The following MDGA2 variants were observed in gnomAD, a reference collection of about 807,000 sequenced individuals.
The protein encoded by MDGA2 is MAM domain containing glycosylphosphatidylinositol anchor 2.
Under a neutral mutation model 117.8 loss-of-function variants are expected in MDGA2, and 40 were observed. The observed-to-expected ratio is 0.34, with a 90% CI of 0.26 to 0.44. MDGA2 has a LOEUF of 0.44. Ranked by LOEUF, MDGA2 falls within the 20% of genes least tolerant of loss-of-function variation. The probability of loss-of-function intolerance (pLI) is 1.00; values close to 1 mark genes in which losing one functional copy is unlikely to be tolerated. For missense variants in MDGA2, 1,123 were observed against 1,250.6 expected (o/e 0.90, Z 1.54); for synonymous variants, 452 against 439.0 (o/e 1.03, Z -0.37).
intron 8 of MDGA2, among the ~76,000 whole-genome samples, chr14:46,990,409 T>C (rs1469771214): frequency 1.3e-5 from 2 of 152,060 alleles, no homozygotes; most frequent in South Asian, 2.1e-4. Context: ...ATAGTAAAAT[T>C]TGTTTAAAAA....
intron 1 of MDGA2, among the ~76,000 whole-genome samples, chr14:47,406,607 C>G (rs1892266789): frequency 6.6e-6 from 1 of 151,964 alleles, no homozygotes; most frequent in Admixed American, 6.6e-5. Context: ...CAGAAAGAGA[C>G]ATGAAATATT....
At chr14:47,145,470 C>A (rs762590956) in intron 3 of MDGA2, among the ~76,000 whole-genome samples, 1 of 152,100 alleles carries the variant, frequency 6.6e-6, no homozygotes, top group Non-Finnish European at 1.5e-5. Flanking sequence ...TTTTCTTAAG[C>A]GAAAGATAAA....
At chr14:47,001,973 C>A (rs1887546159) in intron 8 of MDGA2, among the ~76,000 whole-genome samples, 1 of 152,024 alleles carries the variant, frequency 6.6e-6, no homozygotes, top group African/African-American at 2.4e-5. Flanking sequence ...AATTAAGATT[C>A]TCAACTACAT....
intron 3 of MDGA2, among the ~76,000 whole-genome samples, chr14:47,208,745 T>G (rs73248093): frequency 6.6e-5 from 10 of 152,048 alleles, no homozygotes; most frequent in African/African-American, 2.4e-4. Context: ...GACTGTGTTC[T>G]TAAGGGCCTT....
intron 10 of MDGA2, among the ~76,000 whole-genome samples, chr14:46,893,553 G>T (rs1423385067): frequency 6.6e-6 from 1 of 151,800 alleles, no homozygotes; most frequent in African/African-American, 2.4e-5. Context: ...CTATATAAGA[G>T]AATGAATACG....
intron 3 of MDGA2, among the ~76,000 whole-genome samples, chr14:47,160,054 C>G (rs72680224): frequency 0.091 from 13,902 of 152,034 alleles, 727 homozygotes; most frequent in African/African-American, 0.1. Context: ...TGTGTCACTT[C>G]GAGGTCTAAT....
chr14:47,086,859 C>A (rs1240416496), intron 6 of MDGA2, among the ~76,000 whole-genome samples: 3 of 152,230 alleles, frequency 2.0e-5, no homozygotes, highest in Middle Eastern at 3.4e-3. Context: ...CAACACATTG[C>A]CTATGCTTCA....
intron 1 of MDGA2, among the ~76,000 whole-genome samples, chr14:47,573,299 T>C (rs368768438): frequency 4.7e-4 from 72 of 152,326 alleles, no homozygotes; most frequent in Non-Finnish European, 4.9e-4. Context: ...CAGTTGAGTA[T>C]GAACTGTTGG....
intron 8 of MDGA2, among the ~76,000 whole-genome samples, chr14:47,012,203 C>T (rs1887918689): frequency 6.6e-6 from 1 of 152,030 alleles, no homozygotes; most frequent in Non-Finnish European, 1.5e-5. Context: ...TGAAAAATCT[C>T]TTCTCTATAA....
chr14:46,929,124 C>G, intron 9 of MDGA2, among the ~76,000 whole-genome samples: 1 of 152,108 alleles, frequency 6.6e-6, no homozygotes, highest in South Asian at 2.1e-4. Context: ...AGGTTCTTAT[C>G]TGAGAGTTCA....
intron 8 of MDGA2, among the ~76,000 whole-genome samples, chr14:46,969,094 G>A (rs1227747930): frequency 6.6e-6 from 1 of 152,040 alleles, no homozygotes; most frequent in Non-Finnish European, 1.5e-5. Flanking sequence ...ATTTTTTATG[G>A]CTGCATGGTA....
At chr14:47,205,772 T>C (rs748631252) in intron 3 of MDGA2, among the ~76,000 whole-genome samples, 30 of 152,002 alleles carry the variant, frequency 2.0e-4, no homozygotes, top group Non-Finnish European at 3.7e-4. Context: ...GATCTTCTAA[T>C]CTTAGCTTAG....
chr14:47,110,913 T>G (rs1270536678), intron 5 of MDGA2, among the ~76,000 whole-genome samples: 1 of 152,148 alleles, frequency 6.6e-6, no homozygotes, highest in African/African-American at 2.4e-5. Flanking sequence ...TACTACCAAA[T>G]AAACTCATTG....
At chr14:47,662,636 A>C (rs1897872048) in intron 1 of MDGA2, among the ~76,000 whole-genome samples, 1 of 152,146 alleles carries the variant, frequency 6.6e-6, no homozygotes, top group African/African-American at 2.4e-5. Context: ...GCCACTTTCC[A>C]CACCAGCTGC....
intron 2 of MDGA2, among the ~76,000 whole-genome samples, chr14:47,237,719 C>T (rs1363117836): frequency 1.3e-5 from 2 of 152,032 alleles, no homozygotes; most frequent in East Asian, 3.9e-4. Context: ...CTTGAATCAC[C>T]TCCATATGCA....
chr14:47,066,288 T>A (rs552964576), intron 6 of MDGA2, among the ~76,000 whole-genome samples: 1 of 152,298 alleles, frequency 6.6e-6, no homozygotes, highest in South Asian at 2.1e-4. Context: ...TTGAATTTAA[T>A]TATAATTGAC....
intron 8 of MDGA2, among the ~76,000 whole-genome samples, chr14:46,974,868 T>C (rs966060965): frequency 2.0e-5 from 3 of 152,096 alleles, no homozygotes; most frequent in Non-Finnish European, 4.4e-5. Context: ...ATGGAATTCG[T>C]ATTTTTTTTC....
chr14:47,608,544 C>A (rs1896782429), intron 1 of MDGA2, among the ~76,000 whole-genome samples: 1 of 152,040 alleles, frequency 6.6e-6, no homozygotes, highest in Admixed American at 6.6e-5. Context: ...GAACACTGAG[C>A]AGAAAGTCCA....
chr14:47,625,394 A>C (rs1013022715), intron 1 of MDGA2, among the ~76,000 whole-genome samples: 5 of 152,218 alleles, frequency 3.3e-5, no homozygotes, highest in African/African-American at 1.2e-4. Flanking sequence ...TTAGTCTCCT[A>C]TTAAAACTTA....
Sources: allele counts gnomAD v4.1 joint callset (sites outside exome capture counted in the v4.1 genomes callset), GRCh38; gene constraint gnomAD v4.1.1; transcripts MANE v1.5; gene names NCBI Gene and HGNC (gene_info 2026-07-23, HGNC 2026-07-21).